HS3ST2: variants seen among roughly 807,000 people sequenced by gnomAD.
HS3ST2 encodes the protein heparan sulfate glucosamine 3-O-sulfotransferase 2.
A neutral mutation model predicts 26.3 loss-of-function variants in HS3ST2; 17 were observed. That is an observed-to-expected ratio of 0.65 (90% CI 0.44 to 0.97). The LOEUF (loss-of-function observed/expected upper bound fraction) is 0.97. HS3ST2 is among the 50% of genes least tolerant of loss of function. The probability of loss-of-function intolerance (pLI) is 0.00; values close to 1 mark genes in which losing one functional copy is unlikely to be tolerated. For synonymous variants in HS3ST2, 237 were observed against 219.2 expected, an observed-to-expected ratio of 1.08 and a Z score of -0.72; for missense variants, 402 against 501.2, an observed-to-expected ratio of 0.80 and a Z score of 1.89.
At chr16:22,868,688 T>C (rs1382685276) in intron 1 of HS3ST2, among the ~76,000 whole-genome samples, 1 of 152,146 alleles carries the variant, frequency 6.6e-6, no homozygotes, top group Non-Finnish European at 1.5e-5. Context: ...CTTACAATTC[T>C]GGGCACTGAT....
intron 1 of HS3ST2, among the ~76,000 whole-genome samples, chr16:22,831,967 A>G (rs1450999497): frequency 6.6e-6 from 1 of 152,114 alleles, no homozygotes; most frequent in East Asian, 1.9e-4. Context: ...AGATAATTTT[A>G]AAAGATAACA....
Position 22,915,361 on chromosome 16 carries a change from G to A in HS3ST2, c.903G>A (p.Lys301=), listed in dbSNP as rs147340623. Residue 301 remains lysine (K), a synonymous_variant, in exon 2 of 2, where the codon AAG becomes AAA. Coordinates refer to ENST00000261374, the MANE Select transcript of HS3ST2 (RefSeq NM_006043.2). ...FLGIKRFITD[K]HFYFNKTKGF... is the part of the protein sequence containing the mutation. ...GCATTAAGAGATTCATCACGGACAA[G>A]CACTTCTATTTCAACAAGACCAAAG... 1.2e-4 allele frequency: 188 copies of A among 1,613,790 alleles called. No homozygotes were observed. The African/African-American group carries it at 2.3e-3, about 20-fold the overall frequency.
intron 1 of HS3ST2, among the ~76,000 whole-genome samples, chr16:22,866,320 C>T (rs993158515): frequency 7.4e-5 from 11 of 148,250 alleles, no homozygotes; most frequent in East Asian, 6.1e-4. Flanking sequence ...AGCACGTGCG[C>T]GCGCGCGCAC....
rs552850535 is a variant in HS3ST2 at position 22,832,125 on chromosome 16, G to A, written c.485+17030G>A. ...AGCTTCCCGAGTAGCTGGGACCACA[G>A]GCATGTGCTACCATCCCCAGCTGAT... On this transcript the variant is annotated intron_variant, in intron 1 of 1. Coordinates refer to ENST00000261374, the MANE Select transcript of HS3ST2 (RefSeq NM_006043.2). Among the ~76,000 whole-genome samples, 5 of 150,072 alleles carry A rather than the reference G, an allele frequency of 3.3e-5. No homozygotes were observed. In the South Asian group the frequency reaches 1.1e-3, roughly 32 times the overall value.
chr16:22,900,753 A>C (rs1902273226), intron 1 of HS3ST2, among the ~76,000 whole-genome samples: 2 of 152,158 alleles, frequency 1.3e-5, no homozygotes, highest in Admixed American at 1.3e-4. Context: ...CAAGTGCTTC[A>C]GAGGCCACAG....
At chr16:22,869,075 A>G (rs1292925774) in intron 1 of HS3ST2, among the ~76,000 whole-genome samples, 2 of 151,766 alleles carry the variant, frequency 1.3e-5, no homozygotes, top group Admixed American at 1.3e-4. Flanking sequence ...GGTACTAAAC[A>G]AGCAGAACTG....
At chr16:22,904,241 A>C (rs964694730) in intron 1 of HS3ST2, among the ~76,000 whole-genome samples, 4 of 152,172 alleles carry the variant, frequency 2.6e-5, no homozygotes, top group African/African-American at 9.7e-5. Context: ...GTTGGTCCAC[A>C]AAACTGTTAA....
intron 1 of HS3ST2, among the ~76,000 whole-genome samples, chr16:22,878,581 A>G (rs763951697): frequency 9.9e-5 from 15 of 152,000 alleles, no homozygotes; most frequent in Admixed American, 3.9e-4. Context: ...GGAAACACTG[A>G]AGGATATGAA....
Position 22,914,736 on chromosome 16 carries a change from C to CAAAA in HS3ST2, c.486-183_486-180dup, listed in dbSNP as rs1159639879. ...TGGGCGACAGAGTGAGACCTTGTCT[C>CAAAA]AAAAAAAAAAAAAAAAAAAAAAAAA... On this transcript the variant is annotated intron_variant, in intron 1 of 1. Coordinates refer to ENST00000261374, the MANE Select transcript of HS3ST2 (RefSeq NM_006043.2). Among the ~76,000 whole-genome samples, 35 of 35,946 alleles carry CAAAA rather than the reference C, an allele frequency of 9.7e-4. 4 individuals carry two copies. The highest frequency in any genetic ancestry group is 3.3e-3 in the African/African-American group (34 of 10,360). The allele number at this position is 35,946 out of a possible 152,430, so 23.6% of individuals were successfully genotyped here. A position where few individuals can be genotyped will look rare whatever the true frequency, so the allele number is the denominator to read the frequency against.
chr16:22,850,266 G>A (rs192937717), intron 1 of HS3ST2, among the ~76,000 whole-genome samples: 1 of 151,992 alleles, frequency 6.6e-6, no homozygotes, highest in African/African-American at 2.4e-5. Context: ...GGCAGCAACT[G>A]TAACTGTTCA....
intron 1 of HS3ST2, among the ~76,000 whole-genome samples, chr16:22,894,392 T>C (rs764414397): frequency 2.6e-5 from 4 of 152,190 alleles, no homozygotes; most frequent in Non-Finnish European, 4.4e-5. Flanking sequence ...GAAGGCTCTG[T>C]GGATGTAGCT....
intron 1 of HS3ST2, among the ~76,000 whole-genome samples, chr16:22,827,850 C>T (rs544523290): frequency 1.5e-4 from 22 of 151,512 alleles, no homozygotes; most frequent in African/African-American, 2.2e-4. Context: ...TATGAAACTA[C>T]GGGCATGAGG....
At chr16:22,822,549 A>G (rs1901009551) in intron 1 of HS3ST2, among the ~76,000 whole-genome samples, 1 of 152,146 alleles carries the variant, frequency 6.6e-6, no homozygotes, top group Admixed American at 6.5e-5. Flanking sequence ...CAGTTTATAT[A>G]TTTTAGAATA....
chr16:22,893,875 C>T (rs1902168267), intron 1 of HS3ST2, among the ~76,000 whole-genome samples: 1 of 152,122 alleles, frequency 6.6e-6, no homozygotes, highest in Non-Finnish European at 1.5e-5. Flanking sequence ...GCAGCCTCAA[C>T]CGCCCAGGCT....
chr16:22,909,014 G>A (rs917261721), intron 1 of HS3ST2, among the ~76,000 whole-genome samples: 1 of 152,198 alleles, frequency 6.6e-6, no homozygotes, highest in Non-Finnish European at 1.5e-5. Context: ...CTCAGAAAGG[G>A]CAAGAACCTA....
At chr16:22,832,819 T>C (rs371636622) in intron 1 of HS3ST2, among the ~76,000 whole-genome samples, 9 of 151,106 alleles carry the variant, frequency 6.0e-5, no homozygotes, top group Middle Eastern at 3.4e-3. Context: ...GTTCACAATC[T>C]ACTGACAGCA....
chr16:22,832,777 G>A (rs1234330007), intron 1 of HS3ST2, among the ~76,000 whole-genome samples: 2 of 150,678 alleles, frequency 1.3e-5, no homozygotes, highest in African/African-American at 4.9e-5. Flanking sequence ...CACAGTGGAA[G>A]GGGTATCCCA....
intron 1 of HS3ST2, among the ~76,000 whole-genome samples, chr16:22,828,313 A>G (rs1446107342): frequency 6.6e-6 from 1 of 152,210 alleles, no homozygotes; most frequent in Non-Finnish European, 1.5e-5. Context: ...CTTCCAACCC[A>G]GAAAAGGCAA....
intron 1 of HS3ST2, among the ~76,000 whole-genome samples, chr16:22,907,876 A>G (rs1902375384): frequency 6.6e-6 from 1 of 152,166 alleles, no homozygotes; most frequent in Non-Finnish European, 1.5e-5. Context: ...AGTGGCTCAC[A>G]CCTGTAATCC....
Sources: gnomAD v4.1 joint callset for allele counts (sites outside exome capture counted in the v4.1 genomes callset) on GRCh38, gnomAD v4.1.1 for gene constraint, MANE v1.5 for transcripts, NCBI Gene and HGNC (gene_info 2026-07-23, HGNC 2026-07-21) for gene names.